PLA2G3: variants seen among roughly 807,000 people sequenced by gnomAD.
PLA2G3 encodes group 3 secretory phospholipase A2.
Under a neutral mutation model 51.3 loss-of-function variants are expected in PLA2G3, and 39 were observed. The ratio of observed to expected loss-of-function variants is 0.76; its 90% CI spans 0.59 to 0.99. The LOEUF (loss-of-function observed/expected upper bound fraction) is 0.99. Among genes scored for constraint, PLA2G3 ranks in the 50% least tolerant of loss-of-function variants. The pLI, the probability that PLA2G3 is intolerant of heterozygous loss-of-function variation, is 0.00. For synonymous variants in PLA2G3, 293 were observed against 263.1 expected (o/e 1.11, Z -1.10); for missense variants, 677 against 662.1 (o/e 1.02, Z -0.25).
intron 5 of PLA2G3, 37 bp from the exon 6 acceptor site, chr22:31,136,836 T>C: frequency 1.9e-6 from 3 of 1,601,886 alleles, no homozygotes; most frequent in Non-Finnish European, 2.6e-6. Flanking sequence ...GGGCAGGGCC[T>C]TGCCAGCCAG....
chr22:31,139,806 C>G (rs767009461), intron 1 of PLA2G3, 35 bp downstream of exon 1: 3 of 1,500,818 alleles, frequency 2.0e-6, no homozygotes, highest in Admixed American at 3.6e-5. Context: ...CTTCCCCGAT[C>G]GGACCCCCCA....
chr22:31,140,450 C>G lies in PLA2G3; in HGVS notation c.-96G>C, dbSNP rs1922838760. 2.9e-6 allele frequency: 4 copies of G among 1,395,428 alleles called. No individual in the cohort carries two copies. In the Admixed American group the frequency reaches 9.2e-5, roughly 32 times the overall value. The allele number at this position is 1,395,428 out of a possible 1,614,324, so 86.4% of individuals were successfully genotyped here. On this transcript the variant is annotated 5_prime_UTR_variant, in exon 1 of 7. Coordinates refer to ENST00000215885, the MANE Select transcript of PLA2G3 (RefSeq NM_015715.5). ...GCTGAGCAGTGGAACGGAAGCGGAG[C>G]CCAGCAGGCCCGGTGCGGCGGGACC...
chr22:31,140,345 G>C lies in PLA2G3; in HGVS notation c.10C>G (p.Gln4Glu). MGV[Q>E]AGLFGMLGFL... The stretch of plus-strand genomic sequence containing the variant: ...CCCAGCATCCCAAACAGCCCTGCCT[G>C]AACCCCCATTCTGCACTGGCCCAGT... The change falls in exon 1 of 7, where the codon CAG (glutamine) becomes GAG (glutamate). Residue 4 changes from glutamine (Q) to glutamate (E), a missense_variant. Coordinates refer to ENST00000215885, the MANE Select transcript of PLA2G3 (RefSeq NM_015715.5). 1 of 1,596,946 alleles carries C rather than the reference G, an allele frequency of 6.3e-7. No individual in the cohort carries two copies. Among genetic ancestry groups the C allele is most frequent in the Non-Finnish European group, 8.5e-7 (1 of 1,175,608 alleles).
chr22:31,138,441 G>A, intron 2 of PLA2G3, 31 bp from the exon 3 acceptor site: 1 of 1,609,760 alleles, frequency 6.2e-7, no homozygotes, highest in Non-Finnish European at 8.5e-7. Context: ...AGGACCCTGG[G>A]GCATGGAGGG....
Position 31,135,752 on chromosome 22 carries a change from C to T in PLA2G3, c.1501G>A (p.Asp501Asn), listed in dbSNP as rs367767305. Residue 501 changes from aspartate to asparagine, a missense_variant, in exon 7 of 7, where the codon GAC (aspartate) becomes AAC (asparagine). Asp to Asn is a conservative substitution (Grantham distance 23, BLOSUM62 1). Transcript: ENST00000215885. Reference sequence around the variant, plus strand: ...TGGCTCCAGGACTTCTGCTGCCTGTCGGGTCTCCTGGCTGCCTGGGTTAGC... The same window carrying T: ...TGGCTCCAGGACTTCTGCTGCCTGTTGGGTCTCCTGGCTGCCTGGGTTAGC... The part of the protein sequence containing the change: ...LQLTQAARRP[D>N]RQQKSWSQ The T allele has an allele frequency of 6.1e-5, 98 of 1,613,812 alleles. 2 individuals carry two copies. In the East Asian group the frequency reaches 1.6e-3, roughly 26 times the overall value.
chr22:31,138,760 T>C lies in PLA2G3; in HGVS notation c.554A>G (p.Asp185Gly). 1 of 1,613,976 alleles carries C rather than the reference T, an allele frequency of 6.2e-7. No homozygotes were observed. Among genetic ancestry groups the C allele is most frequent in the Non-Finnish European group, 8.5e-7 (1 of 1,179,964 alleles). ...QGPDLCCREH[D>G]RCPQNISPLQ... ...GGGTGAGATGTTCTGTGGGCAGCGG[T>C]CATGTTCCCGGCAACAGAGATCAGG... is the stretch of plus-strand genomic sequence containing the variant. The change falls in exon 2 of 7, where the codon GAC becomes GGC. Residue 185 changes from aspartate to glycine, a missense_variant. Asp to Gly is a moderately conservative substitution (Grantham distance 94). Transcript: ENST00000215885.
intron 1 of PLA2G3, 28 bp downstream of exon 1, chr22:31,139,813 C>T (rs886676141): frequency 1.9e-6 from 3 of 1,561,186 alleles, no homozygotes; most frequent in Non-Finnish European, 2.6e-6. Flanking sequence ...GATCGGACCC[C>T]CCAGCCCACA....
Position 31,137,819 on chromosome 22 carries a change from C to T in PLA2G3, c.957G>A (p.Lys319=), listed in dbSNP as rs1922669782. The change falls in exon 4 of 7, where the codon AAG becomes AAA. Residue 319 remains lysine (K), a synonymous_variant. Coordinates refer to ENST00000215885, the MANE Select transcript of PLA2G3 (RefSeq NM_015715.5). ...CTGTGGTGTTGGCTTTGCTGGGGCG[C>T]TTGGACCCTTTCTGATGTGGTGGCC... ...RKGPPHQKGS[K]RPSKANTTAL... 4.3e-6 allele frequency: 7 copies of T among 1,614,070 alleles called. No individual in the cohort carries two copies. The highest frequency in any genetic ancestry group is 5.9e-6 in the Non-Finnish European group (7 of 1,179,992).
chr22:31,138,810 G>A lies in PLA2G3; in HGVS notation c.515-11C>T. On this transcript the variant is annotated splice_polypyrimidine_tract_variant and intron_variant, in intron 1 of 6. Transcript: ENST00000215885. The stretch of plus-strand genomic sequence containing the variant: ...GTCCCTGGAAGACCCCTGCAGGGAG[G>A]GGAGGGGAGAGGGCACCAACTCAGC... The A allele has an allele frequency of 6.2e-7, 1 of 1,613,826 alleles. No homozygotes were observed.
intron 4 of PLA2G3, among the ~76,000 whole-genome samples, 187 bp downstream of exon 4, chr22:31,137,523 G>C (rs1922645907): frequency 6.6e-6 from 1 of 152,228 alleles, no homozygotes; most frequent in South Asian, 2.1e-4. Context: ...TGGGTGCACA[G>C]TGGGGCCTGA....
chr22:31,140,287 G>A lies in PLA2G3; in HGVS notation c.68C>T (p.Ala23Val). ...GCAGGAGGTCCTGTACCAGCGGAGG[G>A]CAGGGGAGCCCCCCAGGGCCACCCC... is the stretch of plus-strand genomic sequence containing the variant. ...FLGVALGGSP[A>V]LRWYRTSCHL... is the part of the protein sequence containing the mutation. The change falls in exon 1 of 7, where the codon GCC becomes GTC. Residue 23 changes from alanine to valine, a missense_variant. Physicochemically the swap from Ala to Val is moderately conservative, Grantham distance 64. Coordinates refer to ENST00000215885, the MANE Select transcript of PLA2G3 (RefSeq NM_015715.5). 6.2e-7 allele frequency: 1 copy of A among 1,611,536 alleles called. No individual in the cohort carries two copies. The highest frequency in any genetic ancestry group is 8.5e-7 in the Non-Finnish European group (1 of 1,179,774).
At chr22:31,137,137 G>A (rs1922622953) in intron 4 of PLA2G3, 97 bp from the exon 5 acceptor site, 1 of 1,198,788 alleles carries the variant, frequency 8.3e-7, no homozygotes, top group East Asian at 2.6e-5. Flanking sequence ...CGTGTGCTCA[G>A]TCACACACAC....
chr22:31,136,638 C>G (rs770771321), intron 6 of PLA2G3, 45 bp downstream of exon 6: 9 of 1,522,640 alleles, frequency 5.9e-6, no homozygotes, highest in Non-Finnish European at 8.2e-6. Context: ...GGCAACCCAC[C>G]CTTTGAGAAA....
Position 31,136,954 on chromosome 22 carries a change from G to A in PLA2G3, c.1153C>T (p.Leu385Phe), listed in dbSNP as rs866499749. The A allele has an allele frequency of 2.5e-6, 4 of 1,597,548 alleles. No homozygotes were observed. The highest frequency in any genetic ancestry group is 1.8e-5 in the Admixed American group (1 of 56,464). Residue 385 changes from leucine to phenylalanine, a missense_variant, in exon 5 of 7, where the codon CTC becomes TTC. Transcript: ENST00000215885. ...AAGAGGGGCTCTTGGGCGCTGTTGA[G>A]CAGCTGGAACTCGATTTCCCGGGGC... ...IGPREIEFQL[L>F]NSAQEPLFHC...
Position 31,137,011 on chromosome 22 carries a change from G to A in PLA2G3, c.1096C>T (p.Arg366Cys), listed in dbSNP as rs996924531. The A allele has an allele frequency of 3.9e-6, 6 of 1,552,370 alleles. No individual in the cohort carries two copies. Among genetic ancestry groups the A allele is most frequent in the Admixed American group, 2.0e-5 (1 of 49,728 alleles). Residue 366 changes from arginine (R) to cysteine (C), a missense_variant, in exon 5 of 7, where the codon CGC becomes TGC. Transcript: ENST00000215885. ...TGGTGCTCACACTGGTCCAGGTGGC[G>A]GCGGAAGCTGCGGCAGACCCAGCGG... is the stretch of plus-strand genomic sequence containing the variant. Reference protein sequence around the residue: ...GARWVCRSFRRHLDQCEHQIG... With the variant: ...GARWVCRSFRCHLDQCEHQIG...
intron 1 of PLA2G3, 90 bp downstream of exon 1, chr22:31,139,751 G>GCC: frequency 1.2e-6 from 1 of 848,478 alleles, no homozygotes; most frequent in Non-Finnish European, 1.8e-6. Flanking sequence ...CTCCCCCAGG[G>GCC]ACACACAGCC....
At position 31,138,696 on chromosome 22, in the gene PLA2G3, G is replaced by A. The variant is rs1359057331; in HGVS notation, c.618C>T (p.His206=). 2 of 1,614,160 alleles carry A rather than the reference G, an allele frequency of 1.2e-6. No individual in the cohort carries two copies. Among genetic ancestry groups the A allele is most frequent in the Non-Finnish European group, 1.7e-6 (2 of 1,180,006 alleles). Residue 206 remains histidine (H), a synonymous_variant, in exon 2 of 7, where the codon CAC becomes CAT. Transcript: ENST00000215885. Reference sequence around the variant, plus strand: ...TGTCACAGTCACAGTGGGAGATGGTGTGGAATCGGTAGTTTCGGATGCCAT... The same window carrying A: ...TGTCACAGTCACAGTGGGAGATGGTATGGAATCGGTAGTTTCGGATGCCAT... ...YNYGIRNYRF[H]TISHCDCDTR...
intron 3 of PLA2G3, 53 bp from the exon 4 acceptor site, chr22:31,138,046 G>GC (rs1922690657): frequency 6.6e-7 from 1 of 1,504,916 alleles, no homozygotes; most frequent in Non-Finnish European, 8.9e-7. Context: ...CCTTCCAGAA[G>GC]CCCCCAGGGT....
chr22:31,135,894 G>GT lies in PLA2G3; in HGVS notation c.1358dup (p.His453GlnfsTer15). Reference sequence around the variant, plus strand: ...GTCGCCTCTGCTGAAGCCTCCGCAAGTGCCGGGCTGACACCCTGATGGCCC... The same window carrying GT: ...GTCGCCTCTGCTGAAGCCTCCGCAAGTTGCCGGGCTGACACCCTGATGGCCC... On this transcript the variant is annotated frameshift_variant, in exon 7 of 7. Coordinates refer to ENST00000215885, the MANE Select transcript of PLA2G3 (RefSeq NM_015715.5). LOFTEE classifies it low-confidence loss of function (END_TRUNC). 6.2e-7 allele frequency: 1 copy of GT among 1,613,826 alleles called. No individual in the cohort carries two copies. The highest frequency in any genetic ancestry group is 8.5e-7 in the Non-Finnish European group (1 of 1,180,034).
Sources: allele counts gnomAD v4.1 joint callset (sites outside exome capture counted in the v4.1 genomes callset), GRCh38; gene constraint gnomAD v4.1.1; transcripts MANE v1.5; gene names NCBI Gene and HGNC (gene_info 2026-07-23, HGNC 2026-07-21).